SGCD: variants seen among roughly 807,000 people sequenced by gnomAD.
SGCD encodes delta-sarcoglycan.
SGCD carries 18 observed loss-of-function variants against 36.6 expected under a neutral mutation model. That is an observed-to-expected ratio of 0.49 (90% CI 0.34 to 0.73). The LOEUF (loss-of-function observed/expected upper bound fraction) is 0.73. Ranked by LOEUF, SGCD falls within the 30% of genes least tolerant of loss-of-function variation. The pLI is 0.01. For synonymous variants in SGCD, 133 were observed against 130.6 expected (o/e 1.02, Z -0.12); for missense variants, 387 against 346.7 (o/e 1.12, Z -0.92).
intron 1 of SGCD, among the ~76,000 whole-genome samples, chr5:156,104,496 G>A (rs984486134): frequency 6.6e-6 from 1 of 152,116 alleles, no homozygotes. Context: ...TTATTTGCTG[G>A]ATTTGTTTTC....
At chr5:156,368,979 C>T (rs367671960) in intron 3 of SGCD, among the ~76,000 whole-genome samples, 19 of 152,340 alleles carry the variant, frequency 1.2e-4, no homozygotes, top group Non-Finnish European at 2.2e-4. Flanking sequence ...ACTAGTCCCT[C>T]GTATCAAAAA....
chr5:156,031,558 C>A lies in SGCD; in HGVS notation c.-281-86320C>A, dbSNP rs562593265. On this transcript the variant is annotated intron_variant, in intron 1 of 9. Coordinates refer to the SGCD transcript ENST00000517913. The stretch of plus-strand genomic sequence containing the variant: ...TTCCTTTCATTTCTTGTGTGTTAGT[C>A]TTATTATTCTTACCAAATTAAAAGC... 2.0e-5 allele frequency among the ~76,000 whole-genome samples: 3 copies of A among 152,262 alleles called. No individual in the cohort carries two copies. The South Asian group carries it at 6.2e-4, about 32-fold the overall frequency.
At chr5:156,556,624 A>G (rs1759030943) in intron 4 of SGCD, among the ~76,000 whole-genome samples, 1 of 152,184 alleles carries the variant, frequency 6.6e-6, no homozygotes, top group Non-Finnish European at 1.5e-5. Flanking sequence ...TGCTAAATAT[A>G]TATTTGTGAA....
At position 156,678,529 on chromosome 5, in the gene SGCD, A is replaced by G. The variant is rs546751884; in HGVS notation, c.575+30993A>G. Among the ~76,000 whole-genome samples, 4 of 152,234 alleles carry G rather than the reference A, an allele frequency of 2.6e-5. No homozygotes were observed. The South Asian group carries it at 8.3e-4, about 31-fold the overall frequency. Reference sequence around the variant, plus strand: ...CTGCAGGGTGCTCACATCATCCAGAAGTGAAATTCTCTTCACCTTCTTTAA... The same window carrying G: ...CTGCAGGGTGCTCACATCATCCAGAGGTGAAATTCTCTTCACCTTCTTTAA... On this transcript the variant is annotated intron_variant, in intron 7 of 8. Coordinates refer to ENST00000337851, the MANE Select transcript of SGCD (RefSeq NM_000337.6).
At chr5:156,451,335 A>G (rs1232312748) in intron 3 of SGCD, among the ~76,000 whole-genome samples, 1 of 152,182 alleles carries the variant, frequency 6.6e-6, no homozygotes, top group Non-Finnish European at 1.5e-5. Flanking sequence ...TGATTAATGC[A>G]TAGATTTCAA....
chr5:156,110,659 TAAA>T (rs567366065), intron 1 of SGCD, among the ~76,000 whole-genome samples: 4 of 146,296 alleles, frequency 2.7e-5, no homozygotes, highest in African/African-American at 1.0e-4. Context: ...ACTGGCAACT[TAAA>T]AAAAAAAACT....
intron 1 of SGCD, among the ~76,000 whole-genome samples, chr5:156,008,051 C>T (rs1025732093): frequency 6.6e-6 from 1 of 152,090 alleles, no homozygotes; most frequent in East Asian, 1.9e-4. Context: ...TAAATATTCA[C>T]GTTCTCAGAT....
chr5:156,078,551 A>G (rs1276019588), intron 1 of SGCD, among the ~76,000 whole-genome samples: 1 of 132,202 alleles, frequency 7.6e-6, no homozygotes. Context: ...ATTTATATAT[A>G]TATTTATATT....
intron 3 of SGCD, among the ~76,000 whole-genome samples, chr5:156,383,944 T>C (rs140616): frequency 0.54 from 81,969 of 151,998 alleles, 22,585 homozygotes; most frequent in East Asian, 0.72. Context: ...GATAAAGATA[T>C]GGGGGACTGA....
chr5:156,650,737 T>C (rs892957659), intron 7 of SGCD, among the ~76,000 whole-genome samples: 3 of 152,164 alleles, frequency 2.0e-5, no homozygotes, highest in African/African-American at 4.8e-5. Flanking sequence ...CAATCCATCA[T>C]TGACAGATAC....
chr5:156,343,044 C>G (rs1768747644), intron 2 of SGCD, among the ~76,000 whole-genome samples: 1 of 151,984 alleles, frequency 6.6e-6, no homozygotes, highest in African/African-American at 2.4e-5. Flanking sequence ...CCACTGATGC[C>G]TAACGGCCAT....
intron 3 of SGCD, among the ~76,000 whole-genome samples, chr5:156,459,308 C>A (rs578041698): frequency 6.6e-6 from 1 of 152,274 alleles, no homozygotes; most frequent in African/African-American, 2.4e-5. Flanking sequence ...AGCTTGTAGT[C>A]TAAGTGGAGA....
chr5:156,644,037 T>A (rs1763139598), intron 6 of SGCD, among the ~76,000 whole-genome samples: 1 of 152,080 alleles, frequency 6.6e-6, no homozygotes, highest in Non-Finnish European at 1.5e-5. Flanking sequence ...CAGGAAAAAA[T>A]TTACCAAAGC....
chr5:156,355,740 G>A (rs765503511), intron 3 of SGCD, among the ~76,000 whole-genome samples: 2 of 152,206 alleles, frequency 1.3e-5, no homozygotes, highest in Non-Finnish European at 2.9e-5. Flanking sequence ...AGGTTCAAGC[G>A]ATTGTTGTGC....
chr5:156,098,650 ACACACACACACACATTCTCTT>A (rs1221055623), intron 1 of SGCD, among the ~76,000 whole-genome samples: 5 of 151,946 alleles, frequency 3.3e-5, no homozygotes, highest in Non-Finnish European at 7.4e-5. Context: ...ACACACACAC[ACACACACACACACATTCTCTT>A]TCACAATCTC....
chr5:156,246,771 T>C (rs1361394052), intron 3 of SGCD, among the ~76,000 whole-genome samples: 1 of 152,178 alleles, frequency 6.6e-6, no homozygotes, highest in Non-Finnish European at 1.5e-5. Context: ...CAGCACCTTT[T>C]TCTATAAATG....
chr5:155,766,217 G>A, the SGCD span, among the ~76,000 whole-genome samples: 2 of 152,122 alleles, frequency 1.3e-5, no homozygotes, highest in African/African-American at 2.4e-5. Flanking sequence ...GCCATCAAAG[G>A]ATAGTCCAAT....
rs61141756 is a variant in SGCD at position 156,165,608 on chromosome 5, C to T, written c.-44+41589C>T. On this transcript the variant is annotated intron_variant, in intron 3 of 9. Transcript: ENST00000517913. Reference sequence around the variant, plus strand: ...GATTTTTCTAGTTGAATCCTTGAACCTGCAGATGGATGAACTTGAAAGAGT... The same window carrying T: ...GATTTTTCTAGTTGAATCCTTGAACTTGCAGATGGATGAACTTGAAAGAGT... Among the ~76,000 whole-genome samples, 1,133 of 152,242 alleles carry T rather than the reference C, an allele frequency of 7.4e-3. 16 individuals are homozygous for T. Among genetic ancestry groups the T allele is most frequent in the African/African-American group, 0.026 (1,071 of 41,546 alleles).
the SGCD span, among the ~76,000 whole-genome samples, chr5:155,835,279 A>G: frequency 4.6e-5 from 7 of 152,118 alleles, no homozygotes; most frequent in Admixed American, 3.9e-4. Context: ...AAGTGCTGGG[A>G]TTACAGGTGT....
Sources: gnomAD v4.1 joint callset for allele counts (sites outside exome capture counted in the v4.1 genomes callset) on GRCh38, gnomAD v4.1.1 for gene constraint, MANE v1.5 for transcripts, NCBI Gene and HGNC (gene_info 2026-07-23, HGNC 2026-07-21) for gene names.